The following DLGAP2 variants were observed in gnomAD, a reference collection of about 807,000 sequenced individuals.
DLGAP2 encodes DLG associated protein 2, also known as disks large-associated protein 2.
DLGAP2 carries 26 observed loss-of-function variants against 100.3 expected under a neutral mutation model. The observed-to-expected ratio is 0.26, with a 90% CI of 0.19 to 0.36. The LOEUF (loss-of-function observed/expected upper bound fraction) is 0.36. Ranked by LOEUF, DLGAP2 falls within the 10% of genes least tolerant of loss-of-function variation. The pLI is 1.00. For synonymous variants in DLGAP2, 886 were observed against 630.1 expected (o/e 1.41, Z -6.08); for missense variants, 1,858 against 1,453.2 (o/e 1.28, Z -4.53).
chr8:1,654,777 A>C (rs1313007190), intron 8 of DLGAP2, among the ~76,000 whole-genome samples: 1 of 152,198 alleles, frequency 6.6e-6, no homozygotes, highest in Non-Finnish European at 1.5e-5. Context: ...GTTGATGTCA[A>C]ATCATCCTAA....
At chr8:1,526,045 C>T (rs570366947) in intron 4 of DLGAP2, among the ~76,000 whole-genome samples, 54 of 151,672 alleles carry the variant, frequency 3.6e-4, no homozygotes, top group Middle Eastern at 3.4e-3. Flanking sequence ...AACTCCAAAG[C>T]GCTCCAGTGA....
chr8:1,463,072 G>T (rs932304358), intron 3 of DLGAP2, among the ~76,000 whole-genome samples: 1 of 152,066 alleles, frequency 6.6e-6, no homozygotes, highest in African/African-American at 2.4e-5. Context: ...AAAATGGTGA[G>T]CCCCCATCTC....
At chr8:1,466,914 C>A (rs1477034928) in intron 3 of DLGAP2, among the ~76,000 whole-genome samples, 2 of 152,034 alleles carry the variant, frequency 1.3e-5, no homozygotes, top group Non-Finnish European at 2.9e-5. Flanking sequence ...CCTAAACACA[C>A]CTTTTAGAAA....
At chr8:1,470,447 T>C (rs886704298) in intron 3 of DLGAP2, among the ~76,000 whole-genome samples, 1 of 152,138 alleles carries the variant, frequency 6.6e-6, no homozygotes, top group African/African-American at 2.4e-5. Flanking sequence ...ATGTTTAATA[T>C]CATCCCTGCT....
At position 1,410,475 on chromosome 8, in the gene DLGAP2, C is replaced by T. The variant is rs79190143; in HGVS notation, c.107-90891C>T. Among the ~76,000 whole-genome samples the T allele has an allele frequency of 3.5e-3, 533 of 152,310 alleles. 9 individuals are homozygous for T. The East Asian group carries it at 0.048, about 14-fold the overall frequency. On this transcript the variant is annotated intron_variant, in intron 3 of 14. Transcript: ENST00000637795. ...TGTAGCAGTAACTTACTGTCATGTC[C>T]CACAGTTTCATGGGGTCACTAGAGG...
chr8:783,021 C>T (rs530049846), intron 1 of DLGAP2, among the ~76,000 whole-genome samples: 3 of 152,322 alleles, frequency 2.0e-5, no homozygotes, highest in East Asian at 1.9e-4. Flanking sequence ...GACCGCATGA[C>T]CGCATGATAA....
intron 2 of DLGAP2, among the ~76,000 whole-genome samples, chr8:1,213,472 C>T (rs1190200659): frequency 2.6e-5 from 4 of 152,136 alleles, no homozygotes; most frequent in Non-Finnish European, 5.9e-5. Flanking sequence ...AGAGTACTCA[C>T]CATATTGCTC....
At chr8:1,597,271 G>C (rs774967034) in intron 6 of DLGAP2, among the ~76,000 whole-genome samples, 1 of 152,148 alleles carries the variant, frequency 6.6e-6, no homozygotes, top group South Asian at 2.1e-4. Flanking sequence ...CTGTGGCCTT[G>C]TAGTATAGTT....
chr8:1,692,726 C>G (rs551634029), intron 13 of DLGAP2, among the ~76,000 whole-genome samples: 2 of 151,934 alleles, frequency 1.3e-5, no homozygotes, highest in Non-Finnish European at 2.9e-5. Flanking sequence ...AATAATTTAG[C>G]CTTTGTATTT....
intron 2 of DLGAP2, among the ~76,000 whole-genome samples, chr8:1,041,934 A>G (rs896552189): frequency 6.6e-6 from 1 of 152,134 alleles, no homozygotes; most frequent in African/African-American, 2.4e-5. Flanking sequence ...TCTTGGAGTG[A>G]GCTCTCTCTT....
intron 2 of DLGAP2, among the ~76,000 whole-genome samples, chr8:1,068,009 C>A (rs912081944): frequency 6.6e-6 from 1 of 152,216 alleles, no homozygotes; most frequent in Non-Finnish European, 1.5e-5. Context: ...TTGACTATCT[C>A]TATAGTTTTG....
intron 1 of DLGAP2, among the ~76,000 whole-genome samples, chr8:832,323 C>A (rs998068990): frequency 6.6e-6 from 1 of 152,174 alleles, no homozygotes; most frequent in Admixed American, 6.5e-5. Context: ...CCTAGGTTTT[C>A]TTCTAGGGTT....
chr8:967,797 A>G lies in DLGAP2; in HGVS notation c.73+59831A>G, dbSNP rs1195769188. Among the ~76,000 whole-genome samples, 3 of 86,906 alleles carry G rather than the reference A, an allele frequency of 3.5e-5. 1 individual carries two copies. The highest frequency in any genetic ancestry group is 6.5e-5 in the Non-Finnish European group (3 of 45,856). The allele number at this position is 86,906 out of a possible 152,430, so 57.0% of individuals were successfully genotyped here. On this transcript the variant is annotated intron_variant, in intron 2 of 14. Transcript: ENST00000637795. The stretch of plus-strand genomic sequence containing the variant: ...TATATATGTATATATATATATATAC[A>G]CCTCTTTGTTGAACACCACTATATA...
At chr8:1,234,509 C>G (rs1049330813) in intron 2 of DLGAP2, among the ~76,000 whole-genome samples, 1 of 152,152 alleles carries the variant, frequency 6.6e-6, no homozygotes, top group Non-Finnish European at 1.5e-5. Context: ...GGTGACCTCT[C>G]CTTAACCATT....
intron 2 of DLGAP2, among the ~76,000 whole-genome samples, chr8:1,105,282 G>C (rs1804719691): frequency 6.6e-6 from 1 of 152,224 alleles, no homozygotes; most frequent in Admixed American, 6.5e-5. Flanking sequence ...TTCTGAAAGT[G>C]AAGACTCTAC....
chr8:828,549 A>T (rs935087559), intron 1 of DLGAP2, among the ~76,000 whole-genome samples: 1 of 152,192 alleles, frequency 6.6e-6, no homozygotes, highest in Admixed American at 6.5e-5. Flanking sequence ...CCCACATTTC[A>T]TATTGCTCAA....
intron 2 of DLGAP2, among the ~76,000 whole-genome samples, chr8:1,172,987 C>T (rs1428582349): frequency 6.6e-6 from 1 of 152,088 alleles, no homozygotes; most frequent in Non-Finnish European, 1.5e-5. Context: ...TTTTTCTGCT[C>T]TGTTTTTTCC....
intron 2 of DLGAP2, among the ~76,000 whole-genome samples, chr8:1,205,226 C>T (rs942312519): frequency 6.6e-6 from 1 of 152,160 alleles, no homozygotes; most frequent in African/African-American, 2.4e-5. Flanking sequence ...GTTAAGAAGT[C>T]AATGCTCTGC....
intron 8 of DLGAP2, among the ~76,000 whole-genome samples, chr8:1,664,035 G>A (rs1463538431): frequency 6.6e-6 from 1 of 152,158 alleles, no homozygotes; most frequent in African/African-American, 2.4e-5. Flanking sequence ...AGAGAATAGT[G>A]GTTTTGTTGA....
Sources: allele counts gnomAD v4.1 joint callset (sites outside exome capture counted in the v4.1 genomes callset), GRCh38; gene constraint gnomAD v4.1.1; transcripts MANE v1.5; gene names NCBI Gene and HGNC (gene_info 2026-07-23, HGNC 2026-07-21).